The following OPCML variants were observed in gnomAD, a reference collection of about 807,000 sequenced individuals.
OPCML encodes the protein opioid binding protein/cell adhesion molecule like.
OPCML carries 13 observed loss-of-function variants against 37.8 expected under a neutral mutation model. The observed-to-expected ratio is 0.34, with a 90% CI of 0.22 to 0.55. The LOEUF is 0.55. Ranked by LOEUF, OPCML falls within the 20% of genes least tolerant of loss-of-function variation. The pLI is 0.91. For synonymous variants in OPCML, 176 were observed against 168.8 expected, an observed-to-expected ratio of 1.04 and a Z score of -0.33; for missense variants, 341 against 435.6, an observed-to-expected ratio of 0.78 and a Z score of 1.93.
intron 2 of OPCML, among the ~76,000 whole-genome samples, chr11:132,735,232 G>A (rs1006832269): frequency 1.3e-5 from 2 of 152,030 alleles, no homozygotes; most frequent in African/African-American, 4.8e-5. Flanking sequence ...AGGCAAACTT[G>A]GTATTAGACA....
chr11:132,675,056 C>T (rs1197092035), intron 2 of OPCML, among the ~76,000 whole-genome samples: 2 of 151,956 alleles, frequency 1.3e-5, no homozygotes, highest in Admixed American at 1.3e-4. Flanking sequence ...GAAAGACAGG[C>T]CATCTAGACA....
chr11:132,437,528 G>T lies in OPCML; in HGVS notation c.506-169C>A, dbSNP rs76691349. The T allele has an allele frequency of 0.029, 27,762 of 964,118 alleles. 2,822 individuals carry two copies. The African/African-American group carries it at 0.31, about 11-fold the overall frequency. 59.7% of individuals were successfully genotyped at this position (964,118 alleles called of 1,614,324 possible). On this transcript the variant is annotated intron_variant, in intron 4 of 7. Coordinates refer to ENST00000524381, the MANE Select transcript of OPCML (RefSeq NM_001012393.5). ...CATGTTGCTCAAAAGATACGGCAAAGGAAGAAAGAAATTCTGTGCTTGAGT... is the reference window on the plus strand; with the variant it reads ...CATGTTGCTCAAAAGATACGGCAAATGAAGAAAGAAATTCTGTGCTTGAGT...
intron 1 of OPCML, among the ~76,000 whole-genome samples, chr11:133,151,409 A>G (rs944876007): frequency 6.6e-6 from 1 of 152,020 alleles, no homozygotes; most frequent in Non-Finnish European, 1.5e-5. Flanking sequence ...GCTGCTGGAG[A>G]TGCAGGAAGA....
At chr11:133,076,476 A>G (rs1948622326) in intron 1 of OPCML, among the ~76,000 whole-genome samples, 1 of 152,196 alleles carries the variant, frequency 6.6e-6, no homozygotes, top group African/African-American at 2.4e-5. Flanking sequence ...ATGTGAGGAA[A>G]GTAAGGCTTC....
chr11:133,024,190 G>C (rs1366564517), intron 1 of OPCML, among the ~76,000 whole-genome samples: 1 of 152,188 alleles, frequency 6.6e-6, no homozygotes, highest in Non-Finnish European at 1.5e-5. Context: ...TTTTCCTGGA[G>C]ACAGCGAGTA....
In OPCML at chr11:132,415,525, G is replaced by T. The variant is rs542655601; in HGVS notation, c.*4668C>A. The T allele has an allele frequency of 1.3e-5, 2 of 152,270 alleles. No homozygotes were observed. Among genetic ancestry groups the T allele is most frequent in the African/African-American group, 4.8e-5 (2 of 41,544 alleles). The allele number at this position is 152,270 out of a possible 1,614,324, so 9.4% of individuals were successfully genotyped here. A position where few individuals can be genotyped will look rare whatever the true frequency, so the allele number is the denominator to read the frequency against. On this transcript the variant is annotated 3_prime_UTR_variant, in exon 8 of 8. Transcript: ENST00000524381. ...CTTTATAAATCTGCCAAATAACATA[G>T]AATGTAGCCTCAAAAGGATGGTCGA...
chr11:132,574,263 T>G (rs2096445144), intron 3 of OPCML, among the ~76,000 whole-genome samples: 2 of 150,906 alleles, frequency 1.3e-5, no homozygotes, highest in Non-Finnish European at 3.0e-5. Flanking sequence ...TTTTTGGTTT[T>G]TTTGTTTGTT....
At chr11:132,618,459 C>A (rs1263118322) in intron 3 of OPCML, among the ~76,000 whole-genome samples, 1 of 152,014 alleles carries the variant, frequency 6.6e-6, no homozygotes, top group Non-Finnish European at 1.5e-5. Flanking sequence ...GCCGAGATGG[C>A]ACCATTGCAC....
At chr11:132,665,048 GA>G (rs2135797426) in intron 2 of OPCML, among the ~76,000 whole-genome samples, 1 of 152,310 alleles carries the variant, frequency 6.6e-6, no homozygotes, top group South Asian at 2.1e-4. Flanking sequence ...AGCTGGAGGG[GA>G]GATGTCACAT....
intron 4 of OPCML, among the ~76,000 whole-genome samples, chr11:132,525,545 C>T (rs59074412): frequency 0.013 from 2,015 of 152,232 alleles, 41 homozygotes; most frequent in African/African-American, 0.041. Flanking sequence ...CAAAAAAATG[C>T]TGTTTGATGT....
At chr11:133,038,432 A>C (rs1291474465) in intron 1 of OPCML, among the ~76,000 whole-genome samples, 1 of 152,240 alleles carries the variant, frequency 6.6e-6, no homozygotes, top group Non-Finnish European at 1.5e-5. Flanking sequence ...TGGTTAGCCA[A>C]CATGGGCTAT....
chr11:132,537,561 C>A (rs987116134), intron 3 of OPCML, among the ~76,000 whole-genome samples: 7 of 152,122 alleles, frequency 4.6e-5, no homozygotes, highest in African/African-American at 1.7e-4. Context: ...CAAGCAACAG[C>A]AGAAAAAATA....
intron 2 of OPCML, among the ~76,000 whole-genome samples, chr11:132,822,503 A>AGTGT (rs35359537): frequency 1.3e-3 from 195 of 149,636 alleles, no homozygotes; most frequent in Admixed American, 2.3e-3. Flanking sequence ...AGGAGAGTGA[A>AGTGT]GTGTGTGTGT....
intron 1 of OPCML, among the ~76,000 whole-genome samples, chr11:133,222,036 C>G (rs1379148083): frequency 1.3e-5 from 2 of 152,184 alleles, no homozygotes; most frequent in African/African-American, 2.4e-5. Flanking sequence ...TATACCCTCC[C>G]AAGCTCAGGG....
intron 2 of OPCML, among the ~76,000 whole-genome samples, chr11:132,730,634 G>A (rs1451592577): frequency 6.6e-6 from 1 of 152,004 alleles, no homozygotes; most frequent in East Asian, 1.9e-4. Flanking sequence ...CCTGGACCAG[G>A]GGATGTTAGA....
chr11:132,776,586 G>T (rs542098933), intron 2 of OPCML, among the ~76,000 whole-genome samples: 1 of 151,488 alleles, frequency 6.6e-6, no homozygotes, highest in Non-Finnish European at 1.5e-5. Context: ...TCTCTCTCTC[G>T]CCCCTGCTTG....
chr11:132,956,032 C>T (rs1945971404), intron 1 of OPCML, among the ~76,000 whole-genome samples: 1 of 152,184 alleles, frequency 6.6e-6, no homozygotes. Context: ...GTATCTCTAA[C>T]CCATACCCTC....
intron 2 of OPCML, among the ~76,000 whole-genome samples, chr11:132,916,630 G>T (rs1200341518): frequency 6.6e-6 from 1 of 152,188 alleles, no homozygotes; most frequent in African/African-American, 2.4e-5. Context: ...AGCTTTGGCG[G>T]CTGAAGGAAG....
chr11:132,843,322 C>A (rs1941381859), intron 2 of OPCML, among the ~76,000 whole-genome samples: 1 of 152,042 alleles, frequency 6.6e-6, no homozygotes. Flanking sequence ...TGGTCTGGAA[C>A]TCCTGACCTC....
Sources: allele counts gnomAD v4.1 joint callset (sites outside exome capture counted in the v4.1 genomes callset), GRCh38; gene constraint gnomAD v4.1.1; transcripts MANE v1.5; gene names NCBI Gene and HGNC (gene_info 2026-07-23, HGNC 2026-07-21).